Variants in ADAMTS3 observed in about 807,000 individuals in gnomAD.
ADAMTS3 encodes the protein ADAM metallopeptidase with thrombospondin type 1 motif 3, also known as A disintegrin and metalloproteinase with thrombospondin motifs 3.
In ADAMTS3, 73 loss-of-function variants were observed where a neutral mutation model predicts 129.0. The ratio of observed to expected loss-of-function variants is 0.57; its 90% CI spans 0.47 to 0.69. The LOEUF is 0.69. ADAMTS3 is among the 30% of genes least tolerant of loss of function. The pLI is 0.00. For missense variants in ADAMTS3, 1,457 were observed against 1,514.5 expected, an observed-to-expected ratio of 0.96 and a Z score of 0.63; for synonymous variants, 477 against 510.8, an observed-to-expected ratio of 0.93 and a Z score of 0.89.
intron 21 of ADAMTS3, among the ~76,000 whole-genome samples, chr4:72,284,708 A>C (rs575631808): frequency 1.3e-5 from 2 of 152,328 alleles, no homozygotes; most frequent in South Asian, 4.1e-4. Context: ...CTCATAAAAC[A>C]CTTGATAACA....
At chr4:72,436,395 T>C (rs1481534773) in intron 3 of ADAMTS3, among the ~76,000 whole-genome samples, 4 of 152,262 alleles carry the variant, frequency 2.6e-5, no homozygotes, top group South Asian at 4.1e-4. Context: ...GGAACACTTT[T>C]ACACTGTTGG....
chr4:72,506,097 G>T (rs1250921291), intron 3 of ADAMTS3, among the ~76,000 whole-genome samples: 1 of 152,210 alleles, frequency 6.6e-6, no homozygotes, highest in African/African-American at 2.4e-5. Flanking sequence ...CAGGCTGTTA[G>T]TCTATGCTAG....
At chr4:72,347,272 T>C (rs1176935762) in intron 4 of ADAMTS3, among the ~76,000 whole-genome samples, 1 of 151,182 alleles carries the variant, frequency 6.6e-6, no homozygotes, top group Non-Finnish European at 1.5e-5. Context: ...CATTTTCTTA[T>C]TTTACTGCTT....
intron 3 of ADAMTS3, among the ~76,000 whole-genome samples, chr4:72,533,096 TTA>T (rs1474259989): frequency 2.0e-5 from 3 of 152,208 alleles, no homozygotes; most frequent in Admixed American, 2.0e-4. Context: ...TAAAAAATGA[TTA>T]TTTTATAATT....
intron 4 of ADAMTS3, among the ~76,000 whole-genome samples, chr4:72,347,302 G>C (rs1404244519): frequency 7.7e-6 from 1 of 130,496 alleles, no homozygotes; most frequent in Non-Finnish European, 1.6e-5. Context: ...TTTTCCATTT[G>C]CTAAGACAGT....
chr4:72,338,009 T>C lies in ADAMTS3; in HGVS notation c.861+1485A>G, dbSNP rs149470399. On this transcript the variant is annotated intron_variant, in intron 5 of 21. Coordinates refer to ENST00000286657, the MANE Select transcript of ADAMTS3 (RefSeq NM_014243.3). ...GAATGACGTAAGAATAACATCTCCATAGGAAGTTTGAAATTTTAGATAACT... is the reference window on the plus strand; with the variant it reads ...GAATGACGTAAGAATAACATCTCCACAGGAAGTTTGAAATTTTAGATAACT... Among the ~76,000 whole-genome samples, 495 of 152,160 alleles carry C rather than the reference T, an allele frequency of 3.3e-3. 1 individual carries two copies. The highest frequency in any genetic ancestry group is 0.011 in the African/African-American group (450 of 41,542).
chr4:72,340,143 G>A (rs1419760485), intron 4 of ADAMTS3, among the ~76,000 whole-genome samples: 1 of 152,058 alleles, frequency 6.6e-6, no homozygotes, highest in East Asian at 1.9e-4. Flanking sequence ...AATTTAAATT[G>A]CTCCTCTTTC....
At chr4:72,500,718 G>T (rs1254009012) in intron 3 of ADAMTS3, among the ~76,000 whole-genome samples, 2 of 152,010 alleles carry the variant, frequency 1.3e-5, no homozygotes, top group Non-Finnish European at 2.9e-5. Context: ...GTATTTCCCA[G>T]GTTTTCTTCA....
chr4:72,418,690 T>C (rs1351782711), intron 3 of ADAMTS3, among the ~76,000 whole-genome samples: 1 of 152,206 alleles, frequency 6.6e-6, no homozygotes, highest in Non-Finnish European at 1.5e-5. Context: ...GGAAATGTAA[T>C]CTGGCTGTAA....
chr4:72,455,994 A>G (rs865810515), intron 3 of ADAMTS3, among the ~76,000 whole-genome samples: 13 of 19,860 alleles, frequency 6.5e-4, no homozygotes, highest in African/African-American at 1.6e-3. Flanking sequence ...TATACTATAT[A>G]TATTTTACAT....
chr4:72,331,206 G>C (rs1719842262), intron 5 of ADAMTS3, among the ~76,000 whole-genome samples: 2 of 152,134 alleles, frequency 1.3e-5, no homozygotes, highest in Admixed American at 6.6e-5. Context: ...TAGAGTGATA[G>C]GTCAGGATAT....
chr4:72,567,368 G>T lies in ADAMTS3; in HGVS notation c.97+6C>A. On this transcript the variant is annotated splice_donor_region_variant and intron_variant, in intron 2 of 21. Transcript: ENST00000286657. ...GATAAGAGTGACATCTGAGAACAAAGCTTACCTATTTGCACCATTTCTTCA... is the reference window on the plus strand; with the variant it reads ...GATAAGAGTGACATCTGAGAACAAATCTTACCTATTTGCACCATTTCTTCA... 1 of 1,613,324 alleles carries T rather than the reference G, an allele frequency of 6.2e-7. No homozygotes were observed.
intron 3 of ADAMTS3, among the ~76,000 whole-genome samples, chr4:72,440,182 A>G (rs1718071323): frequency 6.6e-6 from 1 of 151,888 alleles, no homozygotes; most frequent in South Asian, 2.1e-4. Flanking sequence ...GTCAAAGTGG[A>G]CAAATGAAAG....
chr4:72,363,128 G>T (rs1453537491), intron 4 of ADAMTS3, among the ~76,000 whole-genome samples: 2 of 152,000 alleles, frequency 1.3e-5, no homozygotes, highest in Non-Finnish European at 2.9e-5. Context: ...GCATAAAATT[G>T]CCTTAAATGC....
chr4:72,373,246 C>T (rs150482996), intron 4 of ADAMTS3, among the ~76,000 whole-genome samples: 15 of 152,264 alleles, frequency 9.9e-5, no homozygotes, highest in East Asian at 5.8e-4. Flanking sequence ...GATGCACACA[C>T]TGACAAAAAA....
In ADAMTS3 at chr4:72,414,813, A is replaced by G. The variant is rs1200148011; in HGVS notation, c.661+2T>C. Reference sequence around the variant, plus strand: ...ATTATTAAGCTTTGTCAAGACGCCTACCTCTGTAGTGGAAGTCTTTGGACA... The same window carrying G: ...ATTATTAAGCTTTGTCAAGACGCCTGCCTCTGTAGTGGAAGTCTTTGGACA... On this transcript the variant is annotated splice_donor_variant, in intron 4 of 21. Transcript: ENST00000286657. LOFTEE classifies it high-confidence loss of function. 1.4e-6 allele frequency: 2 copies of G among 1,420,492 alleles called. No homozygotes were observed. Among genetic ancestry groups the G allele is most frequent in the Non-Finnish European group, 1.8e-6 (2 of 1,084,514 alleles). 88.0% of individuals were successfully genotyped at this position (1,420,492 alleles called of 1,614,324 possible). A position where few individuals can be genotyped will look rare whatever the true frequency, so the allele number is the denominator to read the frequency against.
At chr4:72,327,157 C>G (rs887965241) in intron 5 of ADAMTS3, among the ~76,000 whole-genome samples, 1 of 151,984 alleles carries the variant, frequency 6.6e-6, no homozygotes, top group African/African-American at 2.4e-5. Context: ...CATCTGATTA[C>G]AAAATTACAT....
intron 3 of ADAMTS3, among the ~76,000 whole-genome samples, chr4:72,503,226 T>G (rs1720073036): frequency 6.6e-6 from 1 of 152,100 alleles, no homozygotes; most frequent in Non-Finnish European, 1.5e-5. Flanking sequence ...TTTCACCATC[T>G]TGGCCAGGCT....
chr4:72,524,898 T>C (rs937037514), intron 3 of ADAMTS3, among the ~76,000 whole-genome samples: 3 of 152,142 alleles, frequency 2.0e-5, no homozygotes, highest in Non-Finnish European at 2.9e-5. Flanking sequence ...CTAAGACCTC[T>C]TTGAAGTACT....
Sources: allele counts gnomAD v4.1 joint callset (sites outside exome capture counted in the v4.1 genomes callset), GRCh38; gene constraint gnomAD v4.1.1; transcripts MANE v1.5; gene names NCBI Gene and HGNC (gene_info 2026-07-23, HGNC 2026-07-21).